The following GHR variants were observed in gnomAD, a reference collection of about 807,000 sequenced individuals.
GHR encodes GH receptor.
GHR carries 35 observed loss-of-function variants against 67.1 expected under a neutral mutation model. The observed-to-expected ratio is 0.52, with a 90% CI of 0.40 to 0.69. The LOEUF (loss-of-function observed/expected upper bound fraction) is 0.69. Ranked by LOEUF, GHR falls within the 30% of genes least tolerant of loss-of-function variation. The pLI, the probability that GHR is intolerant of heterozygous loss-of-function variation, is 0.00. For missense variants in GHR, 792 were observed against 764.6 expected (o/e 1.04, Z -0.42); for synonymous variants, 272 against 269.1 (o/e 1.01, Z -0.10).
chr5:42,608,143 C>T (rs1187251383), intron 2 of GHR, among the ~76,000 whole-genome samples: 1 of 152,204 alleles, frequency 6.6e-6, no homozygotes, highest in East Asian at 1.9e-4. Flanking sequence ...AAAGTAGAGC[C>T]TTATCTATCT....
At chr5:42,482,847 C>T (rs1020691333) in intron 1 of GHR, among the ~76,000 whole-genome samples, 6 of 152,198 alleles carry the variant, frequency 3.9e-5, no homozygotes, top group Non-Finnish European at 7.3e-5. Context: ...GGCGATGCCT[C>T]GCCCTGCTTT....
At chr5:42,565,650 G>A in intron 1 of GHR, 2 of 985,052 alleles carry the variant, frequency 2.0e-6, no homozygotes, top group Non-Finnish European at 1.2e-6. Context: ...CCTGAGACTA[G>A]CACTCACGGG....
At chr5:42,596,524 C>T (rs1752081050) in intron 2 of GHR, among the ~76,000 whole-genome samples, 1 of 152,086 alleles carries the variant, frequency 6.6e-6, no homozygotes, top group South Asian at 2.1e-4. Flanking sequence ...GCACCAGGGC[C>T]CTTAGACTGT....
At chr5:42,468,455 C>T (rs997596538) in intron 1 of GHR, 4 of 880,182 alleles carry the variant, frequency 4.5e-6, no homozygotes, top group South Asian at 1.7e-5. Context: ...TGCCTACGTG[C>T]GCAGCTGAGA....
intron 1 of GHR, among the ~76,000 whole-genome samples, chr5:42,431,590 A>G (rs1046809931): frequency 1.2e-4 from 19 of 152,224 alleles, no homozygotes; most frequent in Non-Finnish European, 2.4e-4. Flanking sequence ...AACTTCTTCT[A>G]CAGAGTCTTT....
At chr5:42,488,527 A>G (rs1745978589) in intron 1 of GHR, among the ~76,000 whole-genome samples, 1 of 152,110 alleles carries the variant, frequency 6.6e-6, no homozygotes, top group Non-Finnish European at 1.5e-5. Context: ...CTCTATAGAT[A>G]CCTGCTCGTA....
intron 3 of GHR, among the ~76,000 whole-genome samples, chr5:42,683,643 A>T (rs1459716597): frequency 7.0e-6 from 1 of 143,406 alleles, no homozygotes. Context: ...ATAAAATTTA[A>T]AAAAGCCGGA....
At position 42,650,041 on chromosome 5, in the gene GHR, G is replaced by C. The variant is rs138475698; in HGVS notation, c.136+20938G>C. Among the ~76,000 whole-genome samples the C allele has an allele frequency of 1.1e-4, 17 of 152,222 alleles. 1 individual carries two copies. The East Asian group carries it at 3.3e-3, about 29-fold the overall frequency. ...AACCTTCTAGTGAAGTGAGAATATT[G>C]ATTGAGCACCTATTATTAGAATAAA... On this transcript the variant is annotated intron_variant, in intron 3 of 9. Transcript: ENST00000230882.
chr5:42,633,455 T>G (rs1402404101), intron 3 of GHR, among the ~76,000 whole-genome samples: 1 of 152,210 alleles, frequency 6.6e-6, no homozygotes, highest in Non-Finnish European at 1.5e-5. Context: ...TTACATTAAC[T>G]TCAATAAAAA....
intron 2 of GHR, among the ~76,000 whole-genome samples, chr5:42,608,081 A>C (rs987272898): frequency 6.6e-6 from 1 of 152,244 alleles, no homozygotes; most frequent in Admixed American, 6.5e-5. Context: ...TAGTGTGAGC[A>C]TGAGCAAATC....
chr5:42,540,421 T>C (rs1414136537), intron 1 of GHR, among the ~76,000 whole-genome samples: 1 of 152,190 alleles, frequency 6.6e-6, no homozygotes, highest in African/African-American at 2.4e-5. Context: ...AATCAAAACA[T>C]TCACAGAACA....
At chr5:42,647,631 T>G (rs566995953) in intron 3 of GHR, 2 of 441,818 alleles carry the variant, frequency 4.5e-6, no homozygotes, top group South Asian at 3.2e-5. Flanking sequence ...ATTTGATGAC[T>G]TTAATTTCAT....
chr5:42,587,989 T>C (rs972942073), intron 2 of GHR, among the ~76,000 whole-genome samples: 1 of 152,242 alleles, frequency 6.6e-6, no homozygotes, highest in Non-Finnish European at 1.5e-5. Flanking sequence ...TCTTTTCTCC[T>C]GGCCAGATAT....
intron 1 of GHR, among the ~76,000 whole-genome samples, chr5:42,481,446 T>C (rs1433807050): frequency 6.6e-6 from 1 of 152,206 alleles, no homozygotes; most frequent in African/African-American, 2.4e-5. Flanking sequence ...CCTTGCTAGA[T>C]TGGGGAAGTT....
At chr5:42,461,915 A>C (rs912415768) in intron 1 of GHR, among the ~76,000 whole-genome samples, 6 of 152,216 alleles carry the variant, frequency 3.9e-5, no homozygotes, top group African/African-American at 1.4e-4. Context: ...AATGAGCATC[A>C]CTTTCTTTAA....
intron 1 of GHR, among the ~76,000 whole-genome samples, chr5:42,486,868 C>T (rs1052609879): frequency 6.7e-6 from 1 of 149,356 alleles, no homozygotes; most frequent in Non-Finnish European, 1.5e-5. Flanking sequence ...AAAAAAGAAA[C>T]CAAATTTAAC....
chr5:42,693,298 T>C (rs4376276), intron 4 of GHR, among the ~76,000 whole-genome samples: 104,632 of 151,958 alleles, frequency 0.69, 37,070 homozygotes, highest in East Asian at 0.86. Flanking sequence ...CATGCCATCA[T>C]GCCCAGCTAA....
At chr5:42,565,994 A>C (rs767899669) in intron 2 of GHR, 50 bp downstream of exon 2, 1 of 1,603,728 alleles carries the variant, frequency 6.2e-7, no homozygotes, top group South Asian at 1.1e-5. Flanking sequence ...AACAACACTG[A>C]ACTGTATTCG....
intron 2 of GHR, among the ~76,000 whole-genome samples, chr5:42,571,921 C>T (rs1269789331): frequency 6.6e-6 from 1 of 152,106 alleles, no homozygotes; most frequent in Non-Finnish European, 1.5e-5. Context: ...CCTGGTTGTC[C>T]ACCTCTGGCT....
Sources: allele counts gnomAD v4.1 joint callset (sites outside exome capture counted in the v4.1 genomes callset), GRCh38; gene constraint gnomAD v4.1.1; transcripts MANE v1.5; gene names NCBI Gene and HGNC (gene_info 2026-07-23, HGNC 2026-07-21).